Variants in FAM114A1 observed in about 807,000 individuals in gnomAD.
FAM114A1 encodes the protein family with sequence similarity 114 member A1.
A neutral mutation model predicts 64.3 loss-of-function variants in FAM114A1; 62 were observed. The ratio of observed to expected loss-of-function variants is 0.96; its 90% CI spans 0.79 to 1.19. The LOEUF (loss-of-function observed/expected upper bound fraction) is 1.19. FAM114A1 is among the 50% of genes most tolerant of loss of function. The pLI is 0.00. For missense variants in FAM114A1, 645 were observed against 676.3 expected (o/e 0.95, Z 0.51); for synonymous variants, 254 against 251.1 (o/e 1.01, Z -0.11).
At chr4:38,941,977 G>C (rs1346788082) in intron 14 of FAM114A1, among the ~76,000 whole-genome samples, 1 of 152,156 alleles carries the variant, frequency 6.6e-6, no homozygotes, top group Admixed American at 6.5e-5. Context: ...TGGCTGGGGA[G>C]GCCTCACAGT....
intron 8 of FAM114A1, among the ~76,000 whole-genome samples, chr4:38,917,629 G>C (rs777100551): frequency 6.6e-6 from 1 of 152,100 alleles, no homozygotes; most frequent in East Asian, 1.9e-4. Flanking sequence ...TCACAGGGGA[G>C]CGTGGCCCTG....
At chr4:38,930,439 A>G (rs1720536758) in intron 10 of FAM114A1, among the ~76,000 whole-genome samples, 1 of 152,156 alleles carries the variant, frequency 6.6e-6, no homozygotes. Context: ...TGACTTGAAC[A>G]CAGTGGGAAG....
At chr4:38,929,374 C>A (rs58035134) in intron 10 of FAM114A1, 41 bp downstream of exon 10, 364,187 of 1,449,682 alleles carry the variant, frequency 0.25, 50,333 homozygotes, top group East Asian at 0.55. Flanking sequence ...TAAAAAAAAA[C>A]AGTGCAGGGG....
intron 10 of FAM114A1, among the ~76,000 whole-genome samples, chr4:38,929,798 A>G (rs1324369126): frequency 1.3e-5 from 2 of 152,126 alleles, no homozygotes; most frequent in African/African-American, 4.8e-5. Context: ...AAAGGAAAAA[A>G]CGAAAAGATT....
chr4:38,901,678 C>T (rs1374661695), intron 4 of FAM114A1, among the ~76,000 whole-genome samples: 1 of 152,210 alleles, frequency 6.6e-6, no homozygotes, highest in African/African-American at 2.4e-5. Context: ...GGAGAGACTT[C>T]CCTTCAATGG....
intron 3 of FAM114A1, among the ~76,000 whole-genome samples, chr4:38,880,120 GAA>G (rs879921840): frequency 0.02 from 1,810 of 92,132 alleles, 34 homozygotes; most frequent in Non-Finnish European, 0.028. Context: ...GAATAGAATA[GAA>G]TAGAATAGAA....
At chr4:38,869,938 G>A (rs1245816269) in intron 2 of FAM114A1, among the ~76,000 whole-genome samples, 2 of 152,112 alleles carry the variant, frequency 1.3e-5, no homozygotes, top group African/African-American at 4.8e-5. Context: ...TGAAAAACTT[G>A]CAATCTTGTC....
At chr4:38,939,886 CTTT>C (rs545845095) in intron 13 of FAM114A1, among the ~76,000 whole-genome samples, 15,161 of 131,558 alleles carry the variant, frequency 0.12, 774 homozygotes, top group Admixed American at 0.18. Context: ...CACTTTCTTT[CTTT>C]TTTTTTTTTT....
chr4:38,937,027 A>G lies in FAM114A1; in HGVS notation c.1536+1237A>G, dbSNP rs555828953. On this transcript the variant is annotated intron_variant, in intron 13 of 14. Transcript: ENST00000358869. ...GAAATCAGTCATGTTATTTAGCTTC[A>G]CCTTAGTAGGCGCAGAGAAAAGTGG... is the stretch of plus-strand genomic sequence containing the variant. Among the ~76,000 whole-genome samples the G allele has an allele frequency of 2.0e-5, 3 of 152,270 alleles. No homozygotes were observed. The East Asian group carries it at 5.8e-4, about 29-fold the overall frequency.
rs1720401317 is a variant in FAM114A1 at position 38,929,083 on chromosome 4, C to G, written c.1070-159C>G. ...GCATCTGCTGCCTCACTGCCATGCT[C>G]ACGAATGGAAGACATTCATCTTTGC... is the stretch of plus-strand genomic sequence containing the variant. On this transcript the variant is annotated intron_variant, in intron 9 of 14. Coordinates refer to ENST00000358869, the MANE Select transcript of FAM114A1 (RefSeq NM_138389.4). The G allele has an allele frequency of 1.3e-5, 8 of 619,260 alleles. No homozygotes were observed. The South Asian group carries it at 1.4e-4, about 11-fold the overall frequency. The allele number at this position is 619,260 out of a possible 1,614,324, so 38.4% of individuals were successfully genotyped here. A position where few individuals can be genotyped will look rare whatever the true frequency, so the allele number is the denominator to read the frequency against.
intron 3 of FAM114A1, among the ~76,000 whole-genome samples, chr4:38,886,089 A>G (rs1715770775): frequency 6.6e-6 from 1 of 152,082 alleles, no homozygotes; most frequent in South Asian, 2.1e-4. Flanking sequence ...GACCTTGATG[A>G]GAACGATTTC....
At chr4:38,880,102 ATAGAG>A (rs1477147520) in intron 3 of FAM114A1, among the ~76,000 whole-genome samples, 4 of 86,292 alleles carry the variant, frequency 4.6e-5, no homozygotes, top group Non-Finnish European at 1.1e-4. Context: ...ATAAAATAAA[ATAGAG>A]TAGAATAGAA....
At chr4:38,936,196 C>T (rs1721078289) in intron 13 of FAM114A1, among the ~76,000 whole-genome samples, 1 of 151,540 alleles carries the variant, frequency 6.6e-6, no homozygotes, top group African/African-American at 2.4e-5. Flanking sequence ...AGGCTCACGC[C>T]GTTCTCCTGC....
rs1197621769 is a variant in FAM114A1, at chr4:38,878,342, G to A, written c.264G>A (p.Glu88=). The A allele has an allele frequency of 1.2e-6, 2 of 1,614,042 alleles. No homozygotes were observed. The highest frequency in any genetic ancestry group is 2.7e-5 in the African/African-American group (2 of 74,930). Residue 88 remains glutamate (E), a synonymous_variant, in exon 3 of 15, where the codon GAG becomes GAA. Coordinates refer to ENST00000358869, the MANE Select transcript of FAM114A1 (RefSeq NM_138389.4). ...LEPPLNGDVT[E]DTLAECIDSV... ...CCCCTCTCAATGGAGACGTGACTGA[G>A]GATACACTTGCTGAATGTATTGATT...
In FAM114A1 at chr4:38,943,738, G is replaced by T. The variant is rs2109825290; in HGVS notation, c.*181G>T. On this transcript the variant is annotated 3_prime_UTR_variant, in exon 15 of 15. Transcript: ENST00000358869. ...AGAGAGTTATCATTTCTCTCAATGT[G>T]TATAATTGTTTTTACAAACAATTGT... The T allele has an allele frequency of 1.1e-5, 5 of 463,386 alleles. No individual in the cohort carries two copies. Among genetic ancestry groups the T allele is most frequent in the South Asian group, 4.1e-5 (1 of 24,208 alleles). 28.7% of individuals were successfully genotyped at this position (463,386 alleles called of 1,614,324 possible). A position where few individuals can be genotyped will look rare whatever the true frequency, so the allele number is the denominator to read the frequency against.
At chr4:38,908,190 G>T (rs1718199537) in intron 6 of FAM114A1, among the ~76,000 whole-genome samples, 2 of 151,666 alleles carry the variant, frequency 1.3e-5, no homozygotes, top group African/African-American at 4.9e-5. Flanking sequence ...CTGTTACTTG[G>T]GTTAAAAAAA....
chr4:38,936,345 C>T (rs1440138090), intron 13 of FAM114A1, among the ~76,000 whole-genome samples: 3 of 151,920 alleles, frequency 2.0e-5, no homozygotes, highest in Non-Finnish European at 4.4e-5. Flanking sequence ...CCGCCCACCT[C>T]GGCCCTGCAA....
intron 7 of FAM114A1, chr4:38,914,698 T>G: frequency 2.1e-6 from 1 of 467,016 alleles, no homozygotes; most frequent in Non-Finnish European, 3.7e-6. Flanking sequence ...ATTTTTGCTT[T>G]GTTTTGCCTT....
chr4:38,913,436 T>TTGC (rs1198532335), intron 7 of FAM114A1, among the ~76,000 whole-genome samples: 2 of 152,232 alleles, frequency 1.3e-5, no homozygotes, highest in African/African-American at 4.8e-5. Flanking sequence ...TCTCACTCTG[T>TTGC]TGCCCAGGCT....
Sources: gnomAD v4.1 joint callset for allele counts (sites outside exome capture counted in the v4.1 genomes callset) on GRCh38, gnomAD v4.1.1 for gene constraint, MANE v1.5 for transcripts, NCBI Gene and HGNC (gene_info 2026-07-23, HGNC 2026-07-21) for gene names.